Variants in AKAP6 observed in about 807,000 individuals in gnomAD.
The protein encoded by AKAP6 is A-kinase anchor protein 6.
Under a neutral mutation model 188.5 loss-of-function variants are expected in AKAP6, and 58 were observed. The ratio of observed to expected loss-of-function variants is 0.31; its 90% CI spans 0.25 to 0.38. The LOEUF is 0.38. AKAP6 is among the 10% of genes least tolerant of loss of function. The probability of loss-of-function intolerance (pLI) is 1.00; values close to 1 mark genes in which losing one functional copy is unlikely to be tolerated. For synonymous variants in AKAP6, 989 were observed against 998.6 expected (o/e 0.99, Z 0.18); for missense variants, 2,710 against 2,740.0 (o/e 0.99, Z 0.24).
intron 8 of AKAP6, among the ~76,000 whole-genome samples, chr14:32,682,729 G>C (rs547034049): frequency 6.6e-6 from 1 of 152,090 alleles, no homozygotes; most frequent in Non-Finnish European, 1.5e-5. Flanking sequence ...CAGCCTGCCC[G>C]ACCCTACTGA....
At chr14:32,707,578 C>A (rs913339874) in intron 9 of AKAP6, among the ~76,000 whole-genome samples, 2 of 151,966 alleles carry the variant, frequency 1.3e-5, no homozygotes, top group Non-Finnish European at 1.5e-5. Flanking sequence ...GTGGAGGATT[C>A]GTGTTATTTA....
chr14:32,797,587 A>C (rs1258559372), intron 12 of AKAP6, among the ~76,000 whole-genome samples: 1 of 152,008 alleles, frequency 6.6e-6, no homozygotes, highest in East Asian at 1.9e-4. Flanking sequence ...ACATAGACAC[A>C]TGTGGGTGAA....
At chr14:32,512,692 C>T (rs1487602303) in intron 2 of AKAP6, among the ~76,000 whole-genome samples, 1 of 152,128 alleles carries the variant, frequency 6.6e-6, no homozygotes, top group African/African-American at 2.4e-5. Context: ...TAACTTTAGT[C>T]TTGCTTTGTA....
At chr14:32,482,302 C>T (rs1009713558) in intron 2 of AKAP6, among the ~76,000 whole-genome samples, 2 of 152,254 alleles carry the variant, frequency 1.3e-5, no homozygotes, top group Admixed American at 1.3e-4. Flanking sequence ...GCTACATCTC[C>T]TATACTCTCC....
chr14:32,620,850 T>C (rs774178911), intron 7 of AKAP6, among the ~76,000 whole-genome samples: 3 of 151,940 alleles, frequency 2.0e-5, no homozygotes, highest in Non-Finnish European at 2.9e-5. Context: ...CTGCTTGTTA[T>C]TGGTCTGTTC....
intron 1 of AKAP6, among the ~76,000 whole-genome samples, chr14:32,342,893 TC>T (rs772585679): frequency 2.0e-5 from 3 of 152,204 alleles, no homozygotes; most frequent in Non-Finnish European, 2.9e-5. Context: ...AGAATGTATT[TC>T]TTTTTTGCAC....
intron 6 of AKAP6, among the ~76,000 whole-genome samples, chr14:32,600,269 A>T (rs994186262): frequency 1.3e-5 from 2 of 152,174 alleles, no homozygotes; most frequent in Non-Finnish European, 2.9e-5. Flanking sequence ...TTTTATCATT[A>T]TAAAGTCTCT....
At chr14:32,669,500 A>G (rs1889087635) in intron 7 of AKAP6, among the ~76,000 whole-genome samples, 1 of 152,194 alleles carries the variant, frequency 6.6e-6, no homozygotes, top group Non-Finnish European at 1.5e-5. Flanking sequence ...ATGACAACAA[A>G]AGCAAAAACA....
Position 32,507,366 on chromosome 14 carries a change from A to G in AKAP6, c.325-28188A>G, listed in dbSNP as rs183508833. Among the ~76,000 whole-genome samples, 12 of 152,358 alleles carry G rather than the reference A, an allele frequency of 7.9e-5. No homozygotes were observed. The East Asian group carries it at 2.3e-3, about 29-fold the overall frequency. On this transcript the variant is annotated intron_variant, in intron 2 of 13. Coordinates refer to ENST00000280979, the MANE Select transcript of AKAP6 (RefSeq NM_004274.5). ...CCAGTATCTCACAATGTAAGAAATA[A>G]TCTTAAGGTGGAAGGCTTTACAATT...
At chr14:32,730,163 T>C (rs1323833149) in intron 9 of AKAP6, among the ~76,000 whole-genome samples, 1 of 152,172 alleles carries the variant, frequency 6.6e-6, no homozygotes, top group Non-Finnish European at 1.5e-5. Context: ...AATAAATATT[T>C]TCACCTTAAA....
intron 12 of AKAP6, among the ~76,000 whole-genome samples, chr14:32,818,530 A>C (rs1273609879): frequency 2.0e-5 from 3 of 151,432 alleles, no homozygotes; most frequent in African/African-American, 7.3e-5. Context: ...TAACCGTGAA[A>C]TTTTTTTTTA....
At chr14:32,588,459 C>T (rs1885345379) in intron 5 of AKAP6, among the ~76,000 whole-genome samples, 1 of 152,228 alleles carries the variant, frequency 6.6e-6, no homozygotes. Flanking sequence ...AGCAGCAATT[C>T]AGAGACTCTC....
At chr14:32,500,375 T>G (rs1180186071) in intron 2 of AKAP6, among the ~76,000 whole-genome samples, 1 of 152,206 alleles carries the variant, frequency 6.6e-6, no homozygotes, top group Non-Finnish European at 1.5e-5. Context: ...GAATATTGCA[T>G]TATGTCTGAA....
intron 2 of AKAP6, among the ~76,000 whole-genome samples, chr14:32,483,450 T>C (rs1328143841): frequency 6.6e-6 from 1 of 152,142 alleles, no homozygotes; most frequent in African/African-American, 2.4e-5. Context: ...TGATTTTTTT[T>C]CTCTTATAGG....
chr14:32,588,317 T>A (rs1395819633), intron 5 of AKAP6, among the ~76,000 whole-genome samples: 1 of 152,214 alleles, frequency 6.6e-6, no homozygotes, highest in East Asian at 1.9e-4. Context: ...TATGCCACAG[T>A]TTATTTAATC....
intron 12 of AKAP6, among the ~76,000 whole-genome samples, chr14:32,816,528 C>T (rs1215010114): frequency 6.6e-6 from 1 of 152,062 alleles, no homozygotes; most frequent in African/African-American, 2.4e-5. Flanking sequence ...AAATTTCTAC[C>T]TAAGTCTAAT....
At chr14:32,827,433 G>A (rs58750588) in intron 13 of AKAP6, among the ~76,000 whole-genome samples, 9 of 151,506 alleles carry the variant, frequency 5.9e-5, no homozygotes, top group Non-Finnish European at 1.0e-4. Flanking sequence ...TAGAATAGCA[G>A]ATAGAGTCTG....
At chr14:32,422,130 TC>T (rs1477920445) in intron 1 of AKAP6, among the ~76,000 whole-genome samples, 1 of 152,316 alleles carries the variant, frequency 6.6e-6, no homozygotes, top group East Asian at 1.9e-4. Flanking sequence ...TTTTTAAAAA[TC>T]AAGATTAATC....
intron 11 of AKAP6, among the ~76,000 whole-genome samples, chr14:32,768,060 A>G (rs1257243976): frequency 1.3e-5 from 2 of 152,204 alleles, no homozygotes; most frequent in African/African-American, 4.8e-5. Context: ...TGAAAAGTAT[A>G]AAGTTTGGCA....
Sources: allele counts gnomAD v4.1 joint callset (sites outside exome capture counted in the v4.1 genomes callset), GRCh38; gene constraint gnomAD v4.1.1; transcripts MANE v1.5; gene names NCBI Gene and HGNC (gene_info 2026-07-23, HGNC 2026-07-21).